The following TTC13 variants were observed in gnomAD, a reference collection of about 807,000 sequenced individuals.
TTC13 encodes tetratricopeptide repeat protein 13.
Under a neutral mutation model 120.0 loss-of-function variants are expected in TTC13, and 62 were observed. The ratio of observed to expected loss-of-function variants is 0.52; its 90% CI spans 0.42 to 0.64. TTC13 has a LOEUF of 0.64. Among genes scored for constraint, TTC13 ranks in the 30% least tolerant of loss-of-function variants. The pLI, the probability that TTC13 is intolerant of heterozygous loss-of-function variation, is 0.00. For synonymous variants in TTC13, 384 were observed against 393.5 expected (o/e 0.98, Z 0.28); for missense variants, 824 against 1,050.2 (o/e 0.78, Z 2.98).
At chr1:230,951,682 A>G (rs1202182748) in intron 4 of TTC13, among the ~76,000 whole-genome samples, 1 of 152,224 alleles carries the variant, frequency 6.6e-6, no homozygotes, top group East Asian at 1.9e-4. Context: ...AAAAAGTATT[A>G]TTGAGATAAA....
chr1:230,978,560 C>T lies in TTC13; in HGVS notation c.271G>A (p.Glu91Lys). 1 of 1,094,428 alleles carries T rather than the reference C, an allele frequency of 9.1e-7. No homozygotes were observed. Among genetic ancestry groups the T allele is most frequent in the Non-Finnish European group, 1.2e-6 (1 of 833,746 alleles). 67.8% of individuals were successfully genotyped at this position (1,094,428 alleles called of 1,614,324 possible). A position where few individuals can be genotyped will look rare whatever the true frequency, so the allele number is the denominator to read the frequency against. Residue 91 changes from glutamate to lysine, a missense_variant and splice_region_variant, in exon 1 of 23, where the codon GAG (glutamate) becomes AAG (lysine). By Grantham distance (56) the Glu-to-Lys change is moderately conservative. This residue lies in a region of TTC13 where 160 missense variants were observed against 137.2 expected (regional missense o/e 1.17). Coordinates refer to ENST00000366661, the MANE Select transcript of TTC13 (RefSeq NM_024525.5). This position sits in a 1 kb window ranked among gnomAD's most constrained non-coding sequence, Gnocchi z 5.6. ...WGDQYSAECG[E>K]SSFLNFHDSD... ...CGGACGCCCGCCGCCGCCCACTCAC[C>T]GCCGCACTCGGCAGAGTACTGGTCC...
At chr1:230,969,217 G>A (rs1304291511) in intron 1 of TTC13, among the ~76,000 whole-genome samples, 4 of 151,924 alleles carry the variant, frequency 2.6e-5, no homozygotes, top group Non-Finnish European at 5.9e-5. Flanking sequence ...AGCCGAGATT[G>A]CGCCACTGCA....
rs759174170 is a variant in TTC13, at chr1:230,938,721, T to A, written c.900+665A>T. 3.9e-5 allele frequency among the ~76,000 whole-genome samples: 6 copies of A among 152,184 alleles called. 1 individual carries two copies. Among genetic ancestry groups the A allele is most frequent in the Non-Finnish European group, 7.3e-5 (5 of 68,032 alleles). On this transcript the variant is annotated intron_variant, in intron 8 of 22. Transcript: ENST00000366661. ...TCCCTCATCTCCTCAGCCACCACAC[T>A]GTCAGAATCTACTTCCTAAATTACA...
At chr1:230,943,553 C>A (rs1241493470) in intron 6 of TTC13, among the ~76,000 whole-genome samples, 1 of 152,034 alleles carries the variant, frequency 6.6e-6, no homozygotes, top group African/African-American at 2.4e-5. Context: ...TAGTACACGT[C>A]ATATTTTCAT....
At chr1:230,976,448 T>C (rs1678317146) in intron 1 of TTC13, among the ~76,000 whole-genome samples, 1 of 152,174 alleles carries the variant, frequency 6.6e-6, no homozygotes, top group Non-Finnish European at 1.5e-5. Flanking sequence ...CAGTAGCCCC[T>C]ACAACAACAG....
chr1:230,963,541 G>A (rs1372179039), intron 1 of TTC13, among the ~76,000 whole-genome samples: 1 of 151,856 alleles, frequency 6.6e-6, no homozygotes, highest in Non-Finnish European at 1.5e-5. Flanking sequence ...AGGCTAAGGT[G>A]GGAAGATCAC....
At chr1:230,927,711 C>G (rs1213027199) in intron 12 of TTC13, among the ~76,000 whole-genome samples, 1 of 152,078 alleles carries the variant, frequency 6.6e-6, no homozygotes, top group Non-Finnish European at 1.5e-5. Context: ...TCCAATTTAT[C>G]AACCTTTTTG....
chr1:230,958,055 G>C (rs1303158646), intron 3 of TTC13, among the ~76,000 whole-genome samples, 169 bp downstream of exon 3: 1 of 149,386 alleles, frequency 6.7e-6, no homozygotes, highest in African/African-American at 2.5e-5. Context: ...TTTTTCTCTT[G>C]ACATATAATA....
At chr1:230,976,556 C>A (rs559816191) in intron 1 of TTC13, among the ~76,000 whole-genome samples, 1 of 152,194 alleles carries the variant, frequency 6.6e-6, no homozygotes, top group African/African-American at 2.4e-5. Context: ...GTGACCACAG[C>A]GGCAGCTGCC....
At chr1:230,914,824 G>C (rs1671863388) in intron 18 of TTC13, among the ~76,000 whole-genome samples, 1 of 152,098 alleles carries the variant, frequency 6.6e-6, no homozygotes, top group South Asian at 2.1e-4. Flanking sequence ...TCAACAGTAG[G>C]CTATTAAGTT....
Position 230,978,378 on chromosome 1 carries a change from G to C in TTC13, c.271+182C>G, listed in dbSNP as rs1678584580. On this transcript the variant is annotated intron_variant, in intron 1 of 22. Coordinates refer to ENST00000366661, the MANE Select transcript of TTC13 (RefSeq NM_024525.5). The surrounding 1 kb of genome is among the most constrained non-coding windows in gnomAD (Gnocchi z 5.6). ...CCCAAAGGCGGCTGCAGGAGGGCGC[G>C]CGGCGGCGTGGGTGGCAGCGGCGGG... Among the ~76,000 whole-genome samples the C allele has an allele frequency of 6.6e-6, 1 of 152,000 alleles. No individual in the cohort carries two copies. The highest frequency in any genetic ancestry group is 2.4e-5 in the African/African-American group (1 of 41,436).
chr1:230,968,673 A>G (rs1677409384), intron 1 of TTC13, among the ~76,000 whole-genome samples: 1 of 152,180 alleles, frequency 6.6e-6, no homozygotes, highest in Non-Finnish European at 1.5e-5. Flanking sequence ...AGGATACAGC[A>G]AGTAAAAAGG....
chr1:230,938,785 C>T (rs1408262337), intron 8 of TTC13, among the ~76,000 whole-genome samples: 1 of 152,174 alleles, frequency 6.6e-6, no homozygotes, highest in African/African-American at 2.4e-5. Context: ...ATTTTGGCAA[C>T]CTAGAATTTA....
At chr1:230,915,019 A>T (rs1480937002) in intron 18 of TTC13, among the ~76,000 whole-genome samples, 1 of 152,174 alleles carries the variant, frequency 6.6e-6, no homozygotes, top group African/African-American at 2.4e-5. Context: ...TTTATGTTAA[A>T]TAGCACAACC....
At chr1:230,934,022 C>T (rs924374451) in intron 8 of TTC13, among the ~76,000 whole-genome samples, 161 bp from the exon 9 acceptor site, 1 of 152,124 alleles carries the variant, frequency 6.6e-6, no homozygotes, top group African/African-American at 2.4e-5. Flanking sequence ...AACTATAAGT[C>T]AGAAGGATTT....
Position 230,939,407 on chromosome 1 carries a change from G to C in TTC13, c.879C>G (p.Phe293Leu). The change falls in exon 8 of 23, where the codon TTC (phenylalanine) becomes TTG (leucine). Residue 293 changes from phenylalanine (F) to leucine (L), a missense_variant. This residue lies in a region of TTC13 where 430 missense variants were observed against 626.8 expected (regional missense o/e 0.69). Transcript: ENST00000366661. ...TCACCTTCAGAAGTCCTCTGTGAAA[G>C]AAAGTTAAACCTTTGTATAGCATAG... ...PIAMLYKGLT[F>L]FHRGLLKEAI... is the part of the protein sequence containing the mutation. 1 of 1,610,356 alleles carries C rather than the reference G, an allele frequency of 6.2e-7. No homozygotes were observed. Among genetic ancestry groups the C allele is most frequent in the Non-Finnish European group, 8.5e-7 (1 of 1,177,286 alleles).
intron 11 of TTC13, among the ~76,000 whole-genome samples, chr1:230,930,786 C>T (rs986386988): frequency 4.6e-5 from 7 of 152,102 alleles, no homozygotes; most frequent in Non-Finnish European, 8.8e-5. Flanking sequence ...GGCATGATGG[C>T]GCGCCCTTGT....
At chr1:230,929,227 T>A (rs548385700) in intron 11 of TTC13, 134 bp from the exon 12 acceptor site, 2 of 912,210 alleles carry the variant, frequency 2.2e-6, no homozygotes, top group Non-Finnish European at 3.2e-6. Context: ...TAAATTTTAG[T>A]AAGTCACTAT....
chr1:230,914,542 G>A (rs779645768), intron 18 of TTC13, among the ~76,000 whole-genome samples: 6 of 151,894 alleles, frequency 4.0e-5, no homozygotes, highest in East Asian at 1.9e-4. Context: ...TTACAGGTGC[G>A]CGCCACCAGG....
Sources: allele counts gnomAD v4.1 joint callset (sites outside exome capture counted in the v4.1 genomes callset), GRCh38; gene constraint gnomAD v4.1.1; regional missense constraint gnomAD v4.1.1; non-coding constraint Gnocchi (gnomAD v3.1); transcripts MANE v1.5; gene names NCBI Gene and HGNC (gene_info 2026-07-23, HGNC 2026-07-21).